RORA: variants seen among roughly 807,000 people sequenced by gnomAD.
The protein encoded by RORA is RAR related orphan receptor A, also known as nuclear receptor ROR-alpha.
RORA carries 7 observed loss-of-function variants against 69.5 expected under a neutral mutation model. The observed-to-expected ratio is 0.10, with a 90% CI of 0.06 to 0.19. The LOEUF is 0.19. RORA is among the 10% of genes least tolerant of loss of function. The probability of loss-of-function intolerance (pLI) is 1.00; values close to 1 mark genes in which losing one functional copy is unlikely to be tolerated. For missense variants in RORA, 457 were observed against 663.0 expected (o/e 0.69, Z 3.41); for synonymous variants, 261 against 240.8 (o/e 1.08, Z -0.78).
At chr15:60,629,687 C>T (rs552109304) in intron 2 of RORA, among the ~76,000 whole-genome samples, 72 of 152,234 alleles carry the variant, frequency 4.7e-4, no homozygotes, top group African/African-American at 1.7e-3. Flanking sequence ...TCAGGTCATA[C>T]CAAATGGGGT....
At chr15:60,799,921 T>C (rs2072555444) in intron 1 of RORA, among the ~76,000 whole-genome samples, 2 of 152,176 alleles carry the variant, frequency 1.3e-5, no homozygotes, top group Admixed American at 1.3e-4. Flanking sequence ...CTCTTCAAAA[T>C]AATAACAGAA....
At chr15:61,184,797 G>A (rs1033583805) in intron 1 of RORA, among the ~76,000 whole-genome samples, 15 of 151,822 alleles carry the variant, frequency 9.9e-5, no homozygotes, top group African/African-American at 3.4e-4. Flanking sequence ...ACCAGCCTGG[G>A]CAACATAGTG....
At chr15:60,750,044 T>A (rs1238779434) in intron 1 of RORA, among the ~76,000 whole-genome samples, 1 of 152,212 alleles carries the variant, frequency 6.6e-6, no homozygotes, top group East Asian at 1.9e-4. Context: ...ACAATATAGC[T>A]AATATTAATC....
intron 1 of RORA, among the ~76,000 whole-genome samples, chr15:60,809,743 G>A (rs1468959433): frequency 2.6e-5 from 4 of 151,618 alleles, no homozygotes; most frequent in African/African-American, 4.9e-5. Flanking sequence ...CACCAATGGG[G>A]CATGTTATAT....
chr15:61,145,846 A>C (rs966144730), intron 1 of RORA, among the ~76,000 whole-genome samples: 17 of 151,940 alleles, frequency 1.1e-4, no homozygotes, highest in African/African-American at 4.1e-4. Flanking sequence ...TAAACACTAA[A>C]CTCCAGGCTA....
At chr15:60,807,763 A>G (rs1009054006) in intron 1 of RORA, among the ~76,000 whole-genome samples, 2 of 152,246 alleles carry the variant, frequency 1.3e-5, no homozygotes, top group African/African-American at 4.8e-5. Context: ...GAACCCAGAA[A>G]TAAAGCCAAA....
chr15:61,048,294 C>T (rs1897132564), intron 1 of RORA, among the ~76,000 whole-genome samples: 2 of 152,180 alleles, frequency 1.3e-5, no homozygotes, highest in African/African-American at 4.8e-5. Flanking sequence ...TCCAGTTCTG[C>T]TTACCTGAGT....
At chr15:60,804,687 T>C (rs1482099039) in intron 1 of RORA, among the ~76,000 whole-genome samples, 2 of 152,108 alleles carry the variant, frequency 1.3e-5, no homozygotes, top group Non-Finnish European at 2.9e-5. Context: ...AAACGAGGGG[T>C]GTGACTATAG....
chr15:60,728,528 A>T (rs1253606862), intron 1 of RORA, among the ~76,000 whole-genome samples: 1 of 152,202 alleles, frequency 6.6e-6, no homozygotes, highest in Non-Finnish European at 1.5e-5. Context: ...TAAGTAAATC[A>T]TCATTCGTTT....
intron 1 of RORA, among the ~76,000 whole-genome samples, chr15:60,916,464 T>G (rs954137593): frequency 5.9e-5 from 9 of 152,190 alleles, no homozygotes; most frequent in African/African-American, 1.4e-4. Flanking sequence ...TCTATCCACT[T>G]GACTAAAAGA....
chr15:61,184,058 G>A (rs1180429533), intron 1 of RORA, among the ~76,000 whole-genome samples: 2 of 152,168 alleles, frequency 1.3e-5, no homozygotes, highest in African/African-American at 4.8e-5. Flanking sequence ...CAGTTCCCAT[G>A]TCCACAGAAC....
intron 2 of RORA, among the ~76,000 whole-genome samples, chr15:60,653,773 C>G (rs1162554500): frequency 7.5e-6 from 1 of 132,456 alleles, no homozygotes; most frequent in Non-Finnish European, 1.6e-5. Flanking sequence ...TTTCAGCCAC[C>G]TTGTCTCATT....
At chr15:60,940,968 G>A (rs1175220930) in intron 1 of RORA, among the ~76,000 whole-genome samples, 1 of 152,146 alleles carries the variant, frequency 6.6e-6, no homozygotes, top group Non-Finnish European at 1.5e-5. Flanking sequence ...GTCAGTGGAA[G>A]AAAAGGAAAA....
At chr15:60,910,430 C>CT (rs1174098223) in intron 1 of RORA, among the ~76,000 whole-genome samples, 2 of 152,160 alleles carry the variant, frequency 1.3e-5, no homozygotes, top group Non-Finnish European at 2.9e-5. Flanking sequence ...TCTGCGGTAT[C>CT]TTTTTTCAGA....
chr15:60,987,620 T>C (rs1382989375), intron 1 of RORA, among the ~76,000 whole-genome samples: 1 of 152,190 alleles, frequency 6.6e-6, no homozygotes, highest in East Asian at 1.9e-4. Context: ...GTATGATTTG[T>C]ACAACATTTT....
intron 1 of RORA, among the ~76,000 whole-genome samples, chr15:61,069,911 A>G (rs2078316950): frequency 1.3e-5 from 2 of 152,174 alleles, no homozygotes; most frequent in South Asian, 4.1e-4. Flanking sequence ...CCCAAAGTCC[A>G]TTCCCAAAGT....
Position 60,820,339 on chromosome 15 carries a change from G to A in RORA, c.167-141653C>T, listed in dbSNP as rs1343720428. 5.3e-5 allele frequency among the ~76,000 whole-genome samples: 8 copies of A among 152,198 alleles called. No individual in the cohort carries two copies. In the East Asian group the frequency reaches 1.5e-3, roughly 29 times the overall value. On this transcript the variant is annotated intron_variant, in intron 1 of 10. Coordinates refer to ENST00000335670, the MANE Select transcript of RORA (RefSeq NM_134261.3). ...TTCCCTTAAGTTTTAAGATTGGACA[G>A]TATCAGGTGTTGTCTTTCAAGGGGT...
chr15:61,185,812 G>A (rs1019765298), intron 1 of RORA, among the ~76,000 whole-genome samples: 14 of 152,130 alleles, frequency 9.2e-5, no homozygotes, highest in African/African-American at 3.4e-4. Flanking sequence ...CTCAGGAGAA[G>A]GTCGTCGGCA....
At chr15:60,913,316 A>G (rs1273989142) in intron 1 of RORA, among the ~76,000 whole-genome samples, 3 of 152,204 alleles carry the variant, frequency 2.0e-5, no homozygotes, top group African/African-American at 7.2e-5. Context: ...GAGAGCTCCC[A>G]GTTACACCTC....
Sources: gnomAD v4.1 joint callset for allele counts (sites outside exome capture counted in the v4.1 genomes callset) on GRCh38, gnomAD v4.1.1 for gene constraint, MANE v1.5 for transcripts, NCBI Gene and HGNC (gene_info 2026-07-23, HGNC 2026-07-21) for gene names.